CD8B: variants seen among roughly 807,000 people sequenced by gnomAD.
CD8B encodes the protein T-cell surface glycoprotein CD8 beta chain.
CD8B carries 6 observed loss-of-function variants against 24.2 expected under a neutral mutation model. That is an observed-to-expected ratio of 0.25 (90% CI 0.14 to 0.49). CD8B has a LOEUF of 0.49. Ranked by LOEUF, CD8B falls within the 20% of genes least tolerant of loss-of-function variation. The probability of loss-of-function intolerance (pLI) is 0.98; values close to 1 mark genes in which losing one functional copy is unlikely to be tolerated. For missense variants in CD8B, 196 were observed against 271.3 expected (o/e 0.72, Z 1.95); for synonymous variants, 84 against 108.3 (o/e 0.78, Z 1.39).
chr2:86,836,118 G>A (rs1675167870), downstream of CD8B, among the ~76,000 whole-genome samples: 1 of 152,102 alleles, frequency 6.6e-6, no homozygotes, highest in Admixed American at 6.6e-5. Flanking sequence ...ACAGAAAGGT[G>A]GGTGGGTGGA....
chr2:86,844,436 A>G (rs180975807), intron 5 of CD8B, among the ~76,000 whole-genome samples: 42 of 152,170 alleles, frequency 2.8e-4, no homozygotes, highest in African/African-American at 1.0e-3. Flanking sequence ...CTCACACAGT[A>G]CCAAGGGGAT....
In CD8B at chr2:86,838,784, GAGCTGTA is replaced by G. The variant is rs1315423026; in HGVS notation, c.*3516_*3522del. ...CCCAAAGTACTGGGATTACAGGCGTGAGCTGTAATCCCATGTGCTTGCTGAAGAAACT... is the reference window on the plus strand; with the variant it reads ...CCCAAAGTACTGGGATTACAGGCGTGATCCCATGTGCTTGCTGAAGAAACT... On this transcript the variant is annotated 3_prime_UTR_variant, in exon 6 of 6. Transcript: ENST00000390655. Among the ~76,000 whole-genome samples, 3 of 152,214 alleles carry G rather than the reference GAGCTGTA, an allele frequency of 2.0e-5. No homozygotes were observed. The highest frequency in any genetic ancestry group is 7.2e-5 in the African/African-American group (3 of 41,442).
intron 2 of CD8B, 57 bp from the exon 3 acceptor site, chr2:86,853,143 A>G: frequency 1.3e-6 from 2 of 1,548,880 alleles, no homozygotes; most frequent in South Asian, 2.4e-5. Flanking sequence ...GTGGACTCAA[A>G]GACAAAACTT....
At chr2:86,823,287 T>C (rs1208159845) in intron 5 of CD8B, among the ~76,000 whole-genome samples, 1 of 152,152 alleles carries the variant, frequency 6.6e-6, no homozygotes, top group Non-Finnish European at 1.5e-5. Context: ...TTTTAATTAA[T>C]TTTTTTGAGA....
At chr2:86,819,624 A>G (rs1053674697) in intron 5 of CD8B, among the ~76,000 whole-genome samples, 10 of 152,318 alleles carry the variant, frequency 6.6e-5, no homozygotes, top group African/African-American at 2.2e-4. Context: ...CTTTCAAAAT[A>G]TTACTGCTCA....
At chr2:86,858,005 C>G (rs531617202) in intron 2 of CD8B, 52 bp downstream of exon 2, 1 of 1,582,878 alleles carries the variant, frequency 6.3e-7, no homozygotes, top group South Asian at 1.2e-5. Flanking sequence ...GTGCCTGGCA[C>G]GTGCCTGGCA....
chr2:86,828,926 C>CT (rs61058421), intron 5 of CD8B, among the ~76,000 whole-genome samples: 38,861 of 145,298 alleles, frequency 0.27, 5,472 homozygotes, highest in Non-Finnish European at 0.33. Context: ...CATACACACT[C>CT]TTTTTTTTTT....
chr2:86,858,836 C>T (rs1042651004), intron 1 of CD8B, among the ~76,000 whole-genome samples: 3 of 151,618 alleles, frequency 2.0e-5, no homozygotes, highest in Non-Finnish European at 4.4e-5. Flanking sequence ...GCCTTGACCT[C>T]CTGGGCTCAA....
intron 4 of CD8B, among the ~76,000 whole-genome samples, chr2:86,845,331 G>C (rs1045593950): frequency 1.9e-4 from 29 of 152,228 alleles, no homozygotes; most frequent in Non-Finnish European, 3.7e-4. Flanking sequence ...AGACATGAAA[G>C]GTCCCAGAGA....
chr2:86,827,259 A>AC (rs1674727010), intron 5 of CD8B, among the ~76,000 whole-genome samples: 1 of 152,122 alleles, frequency 6.6e-6, no homozygotes, highest in Non-Finnish European at 1.5e-5. Context: ...AAAAAAAAAA[A>AC]AACCTTCTGG....
rs1311872030 is a variant in CD8B at position 86,841,433 on chromosome 2, TAGGACTCTCC to T, written c.*864_*873del. On this transcript the variant is annotated 3_prime_UTR_variant, in exon 6 of 6. Coordinates refer to ENST00000390655, the MANE Select transcript of CD8B (RefSeq NM_004931.5). Reference sequence around the variant, plus strand: ...TGCCCTGGGCGCTTCCTAGCCTCTCTAGGACTCTCCACACCTACAACGTCGGGCAAATGAG... The same window carrying T: ...TGCCCTGGGCGCTTCCTAGCCTCTCTACACCTACAACGTCGGGCAAATGAG... 1 of 355,000 alleles carries T rather than the reference TAGGACTCTCC, an allele frequency of 2.8e-6. No individual in the cohort carries two copies. The highest frequency in any genetic ancestry group is 3.9e-6 in the Non-Finnish European group (1 of 254,218). 22.0% of individuals were successfully genotyped at this position (355,000 alleles called of 1,614,324 possible). A position where few individuals can be genotyped will look rare whatever the true frequency, so the allele number is the denominator to read the frequency against.
chr2:86,857,172 T>C (rs1676308672), intron 2 of CD8B, among the ~76,000 whole-genome samples: 1 of 152,044 alleles, frequency 6.6e-6, no homozygotes, highest in Non-Finnish European at 1.5e-5. Flanking sequence ...GAGCTGGGCC[T>C]GGCTCAGTCT....
intron 5 of CD8B, among the ~76,000 whole-genome samples, chr2:86,832,189 T>C (rs1406504878): frequency 6.6e-6 from 1 of 152,046 alleles, no homozygotes. Flanking sequence ...CTAAAAATAG[T>C]AAGAGAAGGA....
At chr2:86,850,816 C>T (rs543409985) in intron 3 of CD8B, among the ~76,000 whole-genome samples, 220 of 152,240 alleles carry the variant, frequency 1.4e-3, no homozygotes, top group African/African-American at 5.0e-3. Flanking sequence ...AGAGGCCAGG[C>T]GTAGTGGCTC....
chr2:86,832,165 G>A (rs1674927206), intron 5 of CD8B, among the ~76,000 whole-genome samples: 1 of 152,132 alleles, frequency 6.6e-6, no homozygotes. Flanking sequence ...AAATTACCTT[G>A]AGTGATTATA....
chr2:86,857,971 G>A lies in CD8B; in HGVS notation c.403+86C>T, dbSNP rs896906361. ...CCATTAGTCACGGCTGCAGAGTGGG[G>A]CACACTGAAGCCTGGTGGTCCCAGT... On this transcript the variant is annotated intron_variant, in intron 2 of 5. Coordinates refer to ENST00000390655, the MANE Select transcript of CD8B (RefSeq NM_004931.5). The A allele has an allele frequency of 5.1e-6, 7 of 1,370,978 alleles. 1 individual carries two copies. In the Admixed American group the frequency reaches 5.3e-5, roughly 10 times the overall value. 84.9% of individuals were successfully genotyped at this position (1,370,978 alleles called of 1,614,324 possible). A position where few individuals can be genotyped will look rare whatever the true frequency, so the allele number is the denominator to read the frequency against.
chr2:86,836,774 C>A (rs1485259250), downstream of CD8B, among the ~76,000 whole-genome samples: 1 of 152,054 alleles, frequency 6.6e-6, no homozygotes, highest in Non-Finnish European at 1.5e-5. Flanking sequence ...ACACGCACAC[C>A]CCCAAGGAAG....
In CD8B at chr2:86,853,034, C is replaced by T. The variant is rs1428088634; in HGVS notation, c.456G>A (p.Lys152=). The T allele has an allele frequency of 6.5e-7, 1 of 1,542,606 alleles. No homozygotes were observed. Among genetic ancestry groups the T allele is most frequent in the Non-Finnish European group, 8.7e-7 (1 of 1,143,242 alleles). ...AQPTKKSTLK[K]RVCRLPRPET... ...CTGGCCTGGGTAACCGGCACACTCT[C>T]TTCTTGAGGGTGGACTTCTTGGTGG... is the stretch of plus-strand genomic sequence containing the variant. Residue 152 remains lysine, a synonymous_variant, in exon 3 of 6, where the codon AAG becomes AAA. Transcript: ENST00000390655.
chr2:86,844,132 T>TTAA (rs1675559733), intron 5 of CD8B, among the ~76,000 whole-genome samples: 1 of 152,036 alleles, frequency 6.6e-6, no homozygotes, highest in African/African-American at 2.4e-5. Flanking sequence ...ACCCAGGACC[T>TTAA]AATGTCACTG....
Sources: allele counts gnomAD v4.1 joint callset (sites outside exome capture counted in the v4.1 genomes callset), GRCh38; gene constraint gnomAD v4.1.1; transcripts MANE v1.5; gene names NCBI Gene and HGNC (gene_info 2026-07-23, HGNC 2026-07-21).